Variants in CDH4 observed in about 807,000 individuals in gnomAD.
CDH4 encodes the protein cadherin-4.
CDH4 carries 33 observed loss-of-function variants against 86.0 expected under a neutral mutation model. The observed-to-expected ratio is 0.38, with a 90% CI of 0.29 to 0.51. CDH4 has a LOEUF of 0.51. CDH4 is among the 20% of genes least tolerant of loss of function. The probability of loss-of-function intolerance (pLI) is 0.86; values close to 1 mark genes in which losing one functional copy is unlikely to be tolerated. For synonymous variants in CDH4, 555 were observed against 549.4 expected, an observed-to-expected ratio of 1.01 and a Z score of -0.14; for missense variants, 1,114 against 1,307.4, an observed-to-expected ratio of 0.85 and a Z score of 2.28.
At chr20:61,830,873 C>T (rs1600695102) in intron 4 of CDH4, among the ~76,000 whole-genome samples, 1 of 152,368 alleles carries the variant, frequency 6.6e-6, no homozygotes, top group East Asian at 1.9e-4. Context: ...CCCACCTCCG[C>T]TCCTCTCTCC....
At chr20:61,649,099 C>T (rs2087094647) in intron 2 of CDH4, among the ~76,000 whole-genome samples, 1 of 152,266 alleles carries the variant, frequency 6.6e-6, no homozygotes, top group Admixed American at 6.5e-5. Context: ...GAGCTGATAA[C>T]AGTGATGGTC....
chr20:61,934,224 T>C lies in CDH4; in HGVS notation c.2544+4T>C, dbSNP rs756552519. The C allele has an allele frequency of 1.5e-5, 23 of 1,541,012 alleles. No homozygotes were observed. In the Admixed American group the frequency reaches 4.5e-4, roughly 30 times the overall value. On this transcript the variant is annotated splice_donor_region_variant and intron_variant, in intron 15 of 15. Coordinates refer to ENST00000614565, the MANE Select transcript of CDH4 (RefSeq NM_001794.5). ...CATCGGTGACTTCATCAATGAGGTG[T>C]GTGCCTCTCGGCAGTGGGGGGCCCG...
rs1160433799 is a variant in CDH4 at position 61,811,806 on chromosome 20, G to T, written c.577-32862G>T. 6.6e-6 allele frequency among the ~76,000 whole-genome samples: 1 copy of T among 151,858 alleles called. No individual in the cohort carries two copies. Among genetic ancestry groups the T allele is most frequent in the Admixed American group, 6.5e-5 (1 of 15,268 alleles). ...CCTGCCTCAGCCTCCCATGTAGCTG[G>T]TACTACAGGCACACGTCACCATGCC... On this transcript the variant is annotated intron_variant, in intron 4 of 15. Coordinates refer to ENST00000614565, the MANE Select transcript of CDH4 (RefSeq NM_001794.5). This position sits in a 1 kb window ranked among gnomAD's most constrained non-coding sequence, Gnocchi z 4.4.
rs1200922645 is a variant in CDH4 at position 61,383,141 on chromosome 20, TG to T, written c.169+128205del. Among the ~76,000 whole-genome samples the T allele has an allele frequency of 2.9e-4, 26 of 88,924 alleles. 2 individuals carry two copies. The highest frequency in any genetic ancestry group is 1.0e-3 in the Admixed American group (9 of 8,654). 58.3% of individuals were successfully genotyped at this position (88,924 alleles called of 152,430 possible). On this transcript the variant is annotated intron_variant, in intron 2 of 15. Transcript: ENST00000614565. ...AATATATATGAATATATTATATATATGAATATATATGAATATATTATATATA... is the reference window on the plus strand; with the variant it reads ...AATATATATGAATATATTATATATATAATATATATGAATATATTATATATA...
intron 8 of CDH4, among the ~76,000 whole-genome samples, chr20:61,907,117 C>T (rs914751874): frequency 1.3e-5 from 2 of 151,980 alleles, no homozygotes; most frequent in African/African-American, 2.4e-5. Flanking sequence ...TATAATGTGA[C>T]CCAGCTACCA....
intron 3 of CDH4, among the ~76,000 whole-genome samples, chr20:61,752,059 C>T (rs780935520): frequency 3.3e-5 from 5 of 152,180 alleles, no homozygotes; most frequent in Admixed American, 6.5e-5. Context: ...CTGCCAGGTG[C>T]GGTGGCTCAC....
At chr20:61,372,419 G>A (rs1181248542) in intron 2 of CDH4, among the ~76,000 whole-genome samples, 1 of 152,250 alleles carries the variant, frequency 6.6e-6, no homozygotes, top group East Asian at 1.9e-4. Flanking sequence ...CCGCCCTGCT[G>A]AGCAGCTGTA....
chr20:61,830,798 G>A (rs571743220), intron 4 of CDH4, among the ~76,000 whole-genome samples: 83 of 152,334 alleles, frequency 5.4e-4, no homozygotes, highest in African/African-American at 1.9e-3. Flanking sequence ...GCCCTTTCTT[G>A]CCTCTACACA....
At chr20:61,932,854 A>G (rs779487416) in intron 13 of CDH4, 131 bp from the exon 14 acceptor site, 1 of 1,210,414 alleles carries the variant, frequency 8.3e-7, no homozygotes, top group Admixed American at 2.2e-5. Flanking sequence ...ACAGGTGTGC[A>G]TGCACACATG....
chr20:61,935,092 C>A (rs1378635879), intron 15 of CDH4, among the ~76,000 whole-genome samples: 4 of 152,232 alleles, frequency 2.6e-5, no homozygotes, highest in Non-Finnish European at 5.9e-5. Context: ...CCAGACTGGC[C>A]TCGCCTGTGG....
At chr20:61,936,679 T>C (rs4925323) in intron 15 of CDH4, 58 bp from the exon 16 acceptor site, 327,636 of 1,390,348 alleles carry the variant, frequency 0.24, 40,306 homozygotes, top group Middle Eastern at 0.3. Context: ...CCGTTCCATC[T>C]GATCCCGGGG....
In CDH4 at chr20:61,714,023, T is replaced by TTGTG. The variant is rs1555828915; in HGVS notation, c.170-29539_170-29538insGTGT. On this transcript the variant is annotated intron_variant, in intron 2 of 15. Coordinates refer to ENST00000614565, the MANE Select transcript of CDH4 (RefSeq NM_001794.5). ...GTCTTAGTCCATTGTCTATTCTTTTTTTATTTTATTTTATTTTATTTTATT... is the reference window on the plus strand; with the variant it reads ...GTCTTAGTCCATTGTCTATTCTTTTTTGTGTTATTTTATTTTATTTTATTTTATT... Among the ~76,000 whole-genome samples, 4 of 123,912 alleles carry TTGTG rather than the reference T, an allele frequency of 3.2e-5. No homozygotes were observed. In the South Asian group the frequency reaches 1.2e-3, roughly 38 times the overall value. 81.3% of individuals were successfully genotyped at this position (123,912 alleles called of 152,430 possible). A position where few individuals can be genotyped will look rare whatever the true frequency, so the allele number is the denominator to read the frequency against.
At chr20:61,280,845 G>A (rs145376018) in intron 2 of CDH4, among the ~76,000 whole-genome samples, 13 of 152,198 alleles carry the variant, frequency 8.5e-5, no homozygotes, top group African/African-American at 1.2e-4. Flanking sequence ...CTCTCACCTC[G>A]CTACCCTCCC....
At chr20:61,870,414 G>C (rs986283580) in intron 6 of CDH4, among the ~76,000 whole-genome samples, 1 of 152,218 alleles carries the variant, frequency 6.6e-6, no homozygotes, top group Non-Finnish European at 1.5e-5. Context: ...CCGAGAGACC[G>C]TCATTCTCAG....
At chr20:61,454,485 C>G (rs564631436) in intron 2 of CDH4, among the ~76,000 whole-genome samples, 8 of 152,112 alleles carry the variant, frequency 5.3e-5, no homozygotes, top group Non-Finnish European at 7.4e-5. Flanking sequence ...TCACTCTGTC[C>G]CCCAGGCTGG....
chr20:61,874,737 G>A (rs899600269), intron 7 of CDH4, among the ~76,000 whole-genome samples: 4 of 152,162 alleles, frequency 2.6e-5, no homozygotes, highest in East Asian at 1.9e-4. Context: ...TCCAGGTCTC[G>A]CTGTCTGGTC....
intron 2 of CDH4, among the ~76,000 whole-genome samples, chr20:61,313,026 C>T (rs1353375237): frequency 2.6e-5 from 4 of 152,190 alleles, no homozygotes; most frequent in African/African-American, 9.7e-5. Flanking sequence ...CCTTCCCTAT[C>T]CCTGCCCCAG....
chr20:61,583,158 CAGAGGGCTCTGCG>C (rs2086442737), intron 2 of CDH4, among the ~76,000 whole-genome samples: 1 of 84,410 alleles, frequency 1.2e-5, no homozygotes, highest in Non-Finnish European at 2.6e-5. Flanking sequence ...TGCGGAGGGA[CAGAGGGCTCTGCG>C]GGGGGGACAG....
At chr20:61,542,654 T>C (rs2086048894) in intron 2 of CDH4, among the ~76,000 whole-genome samples, 3 of 152,204 alleles carry the variant, frequency 2.0e-5, no homozygotes, top group Admixed American at 2.0e-4. Flanking sequence ...CCAAGTAAAC[T>C]TTTGGAAACA....
Sources: allele counts gnomAD v4.1 joint callset (sites outside exome capture counted in the v4.1 genomes callset), GRCh38; gene constraint gnomAD v4.1.1; non-coding constraint Gnocchi (gnomAD v3.1); transcripts MANE v1.5; gene names NCBI Gene and HGNC (gene_info 2026-07-23, HGNC 2026-07-21).